MDM2: variants seen among roughly 807,000 people sequenced by gnomAD.
The protein encoded by MDM2 is E3 ubiquitin-protein ligase Mdm2.
MDM2 carries 11 observed loss-of-function variants against 64.3 expected under a neutral mutation model. That is an observed-to-expected ratio of 0.17 (90% confidence interval 0.11 to 0.28). The LOEUF (loss-of-function observed/expected upper bound fraction) is 0.28. Ranked by LOEUF, MDM2 falls within the 10% of genes least tolerant of loss-of-function variation. The pLI is 1.00. For missense variants in MDM2, 388 were observed against 577.1 expected (o/e 0.67, Z 3.36); for synonymous variants, 194 against 192.9 (o/e 1.01, Z -0.05).
chr12:68,829,597 C>A (rs1178774255), intron 8 of MDM2, among the ~76,000 whole-genome samples: 2 of 151,986 alleles, frequency 1.3e-5, no homozygotes, highest in Non-Finnish European at 2.9e-5. Context: ...GAAACCATGT[C>A]TTTACTGAAA....
At chr12:68,839,154 A>T in intron 10 of MDM2, 120 bp from the exon 11 acceptor site, 2 of 837,380 alleles carry the variant, frequency 2.4e-6, no homozygotes, top group South Asian at 3.6e-5. Flanking sequence ...TAAAACATGA[A>T]ACACTGAATA....
At chr12:68,809,045 C>T in intron 1 of MDM2, 163 bp from the exon 2 acceptor site, 1 of 1,496,816 alleles carries the variant, frequency 6.7e-7, no homozygotes, top group Non-Finnish European at 8.8e-7. Context: ...GAGGGTAGAC[C>T]TGTGGGCACG....
chr12:68,820,091 A>G (rs1375608296), intron 4 of MDM2, among the ~76,000 whole-genome samples: 1 of 152,192 alleles, frequency 6.6e-6, no homozygotes, highest in Non-Finnish European at 1.5e-5. Context: ...GTAGTGTGAA[A>G]TCTTTCAGCT....
At chr12:68,812,372 G>A (rs560552112) in intron 2 of MDM2, among the ~76,000 whole-genome samples, 2 of 152,316 alleles carry the variant, frequency 1.3e-5, no homozygotes, top group East Asian at 3.9e-4. Context: ...TTAGACAGAG[G>A]ACCGGGGCAT....
chr12:68,827,873 G>A (rs1277446524), intron 7 of MDM2, among the ~76,000 whole-genome samples: 1 of 152,204 alleles, frequency 6.6e-6, no homozygotes, highest in East Asian at 1.9e-4. Flanking sequence ...GCTTAGGCCT[G>A]TAATCCCAGC....
At chr12:68,815,433 C>CTTTTTTTTTTT (rs58178593) in intron 3 of MDM2, among the ~76,000 whole-genome samples, 10 of 93,082 alleles carry the variant, frequency 1.1e-4, no homozygotes, top group East Asian at 3.3e-4. Flanking sequence ...GTTTCTTCTT[C>CTTTTTTTTTTT]TTTTTTTTTT....
chr12:68,833,149 A>AATATATATATATATATATATAT (rs57734852), intron 8 of MDM2, among the ~76,000 whole-genome samples: 8 of 65,976 alleles, frequency 1.2e-4, no homozygotes, highest in African/African-American at 4.9e-4. Context: ...AAAAAAAAAA[A>AATATATATATATATATATATAT]ATATATATAT....
At chr12:68,828,589 A>G (rs1261086211) in intron 7 of MDM2, 182 bp from the exon 8 acceptor site, 4 of 534,240 alleles carry the variant, frequency 7.5e-6, no homozygotes, top group Non-Finnish European at 1.3e-5. Context: ...ATAAATAAAT[A>G]AACAAATAAA....
intron 5 of MDM2, among the ~76,000 whole-genome samples, chr12:68,822,046 G>A (rs945513462): frequency 6.6e-6 from 1 of 152,036 alleles, no homozygotes; most frequent in Non-Finnish European, 1.5e-5. Flanking sequence ...TGGTAGAGAC[G>A]GTGTTGCTAT....
At chr12:68,821,059 T>A (rs1456057445) in intron 5 of MDM2, among the ~76,000 whole-genome samples, 7 of 148,396 alleles carry the variant, frequency 4.7e-5, no homozygotes, top group Admixed American at 4.7e-4. Context: ...TTTTTTTTTT[T>A]TTTTTTGAGA....
chr12:68,827,483 G>A (rs2136145875), intron 7 of MDM2, among the ~76,000 whole-genome samples: 1 of 152,200 alleles, frequency 6.6e-6, no homozygotes, highest in Non-Finnish European at 1.5e-5. Flanking sequence ...ATATGTTGCA[G>A]ATATTATCTT....
downstream of MDM2, chr12:68,846,780 G>A (rs1200049675): frequency 6.6e-6 from 1 of 152,104 alleles, no homozygotes. Flanking sequence ...GCTTATTGTA[G>A]TGGGAAGTTC....
Position 68,842,364 on chromosome 12 carries a change from G to A in MDM2, c.*2515G>A, listed in dbSNP as rs1275889506. The A allele has an allele frequency of 2.0e-6, 1 of 494,570 alleles. No individual in the cohort carries two copies. The highest frequency in any genetic ancestry group is 4.0e-6 in the Non-Finnish European group (1 of 249,916). 30.6% of individuals were successfully genotyped at this position (494,570 alleles called of 1,614,324 possible). On this transcript the variant is annotated 3_prime_UTR_variant, in exon 11 of 11. Transcript: ENST00000258149. ...AAGATGATATAACAGTTAACAGGAT[G>A]CAGACATGGCAGAGGTTTCCTAAAA...
chr12:68,837,120 A>AT (rs1457648549), intron 10 of MDM2, among the ~76,000 whole-genome samples: 2 of 151,348 alleles, frequency 1.3e-5, no homozygotes, highest in Admixed American at 6.6e-5. Flanking sequence ...TACCCCACTA[A>AT]TTTTTTTATT....
upstream of MDM2, chr12:68,808,174 AG>A: frequency 4.0e-6 from 2 of 501,364 alleles, no homozygotes; most frequent in Non-Finnish European, 7.0e-6. Context: ...CTCGGGCGGT[AG>A]GGGGCGCGCA....
chr12:68,837,822 C>T, intron 10 of MDM2, among the ~76,000 whole-genome samples: 1 of 147,606 alleles, frequency 6.8e-6, no homozygotes, highest in African/African-American at 2.6e-5. Flanking sequence ...CTTAATATTG[C>T]CTTTATTATA....
intron 7 of MDM2, among the ~76,000 whole-genome samples, chr12:68,825,191 C>T (rs1417900757): frequency 6.6e-5 from 10 of 152,022 alleles, no homozygotes; most frequent in East Asian, 1.9e-4. Flanking sequence ...CCTGGGTAAC[C>T]GTGTGAGACT....
In MDM2 at chr12:68,820,388, G is replaced by T; in HGVS notation, c.358+14G>T. 1 of 1,590,580 alleles carries T rather than the reference G, an allele frequency of 6.3e-7. No homozygotes were observed. Among genetic ancestry groups the T allele is most frequent in the South Asian group, 1.1e-5 (1 of 88,332 alleles). ...TCAATCAGCAGGGTAAGTTAATTTT[G>T]AGCATCATGGATAAATACCATAAAA... On this transcript the variant is annotated intron_variant, in intron 5 of 10. Transcript: ENST00000258149.
intron 8 of MDM2, among the ~76,000 whole-genome samples, chr12:68,834,848 C>T (rs1315836313): frequency 1.3e-5 from 2 of 152,174 alleles, no homozygotes; most frequent in East Asian, 3.8e-4. Flanking sequence ...TTGTAGCCTT[C>T]TGCTTATATA....
Sources: gnomAD v4.1 joint callset for allele counts (sites outside exome capture counted in the v4.1 genomes callset) on GRCh38, gnomAD v4.1.1 for gene constraint, MANE v1.5 for transcripts, NCBI Gene and HGNC (gene_info 2026-07-23, HGNC 2026-07-21) for gene names.